Variants in DYSF observed in about 807,000 individuals in gnomAD.
DYSF encodes dysferlin.
In DYSF, 212 loss-of-function variants were observed where a neutral mutation model predicts 274.9. The observed-to-expected ratio is 0.77, with a 90% CI of 0.69 to 0.86. DYSF has a LOEUF of 0.86. Among genes scored for constraint, DYSF ranks in the 40% least tolerant of loss-of-function variants. The probability of loss-of-function intolerance (pLI) is 0.00; values close to 1 mark genes in which losing one functional copy is unlikely to be tolerated. For synonymous variants in DYSF, 1,091 were observed against 1,078.7 expected, an observed-to-expected ratio of 1.01 and a Z score of -0.22; for missense variants, 2,666 against 2,783.2, an observed-to-expected ratio of 0.96 and a Z score of 0.95.
intron 54 of DYSF, among the ~76,000 whole-genome samples, chr2:71,682,071 C>G (rs1443125025): frequency 1.3e-5 from 2 of 152,076 alleles, no homozygotes; most frequent in African/African-American, 4.8e-5. Context: ...GAACCAGCTT[C>G]CTATGTTCTC....
chr2:71,535,156 C>T, intron 15 of DYSF, 67 bp downstream of exon 15: 1 of 1,603,858 alleles, frequency 6.2e-7, no homozygotes, highest in Non-Finnish European at 8.5e-7. Flanking sequence ...AGGTCCAGGG[C>T]TCCTGCCTCC....
chr2:71,513,708 C>T lies in DYSF; in HGVS notation c.554-8C>T, dbSNP rs1257627361. 1.5e-5 allele frequency: 24 copies of T among 1,613,526 alleles called. No individual in the cohort carries two copies. In the East Asian group the frequency reaches 5.1e-4, roughly 34 times the overall value. On this transcript the variant is annotated splice_polypyrimidine_tract_variant and splice_region_variant and intron_variant, in intron 6 of 55. Transcript: ENST00000410020. ...GATCCAGGCCTCATTAGGGCCCTCT[C>T]CTCTTAGACACAGGAGGAGAGGAAG...
chr2:71,557,468 C>T (rs2091417466), intron 22 of DYSF, among the ~76,000 whole-genome samples: 1 of 152,160 alleles, frequency 6.6e-6, no homozygotes, highest in South Asian at 2.1e-4. Context: ...AGAGCTCAGC[C>T]CTGGGAGCAA....
At chr2:71,665,447 G>A (rs536850453) in intron 47 of DYSF, 143 bp downstream of exon 47, 1 of 1,012,434 alleles carries the variant, frequency 9.9e-7, no homozygotes, top group South Asian at 1.4e-5. Context: ...AGCACAGATG[G>A]GCTCCACTTG....
At chr2:71,678,156 TTTTATAGAATA>T (rs1346728347) in intron 52 of DYSF, among the ~76,000 whole-genome samples, 5 of 152,214 alleles carry the variant, frequency 3.3e-5, no homozygotes, top group African/African-American at 1.2e-4. Flanking sequence ...CTGAAGGGAA[TTTTATAGAATA>T]TTTAAGATAA....
Position 71,568,192 on chromosome 2 carries a change from G to T in DYSF, c.2718G>T (p.Leu906Phe), listed in dbSNP as rs754212872. Residue 906 changes from leucine to phenylalanine, a missense_variant, in exon 26 of 56, where the codon TTG (leucine) becomes TTT (phenylalanine). Leu to Phe is a conservative substitution (Grantham distance 22, BLOSUM62 0). Coordinates refer to ENST00000410020, the MANE Select transcript of DYSF (RefSeq NM_001130987.2). ...FAETYENETK[L>F]ALVGNWGTTG... ...TCCAGTATGAGAACGAGACTAAGTT[G>T]GCCCTTGTTGGGAACTGGGGCACAA... 6.2e-7 allele frequency: 1 copy of T among 1,614,222 alleles called. No homozygotes were observed. Among genetic ancestry groups the T allele is most frequent in the Non-Finnish European group, 8.5e-7 (1 of 1,180,040 alleles).
chr2:71,484,045 C>CT (rs59780652), intron 3 of DYSF, among the ~76,000 whole-genome samples: 21,880 of 67,556 alleles, frequency 0.32, 4,204 homozygotes, highest in Non-Finnish European at 0.39. Context: ...GGAGATTTCC[C>CT]TTTTTTTTTT....
intron 41 of DYSF, among the ~76,000 whole-genome samples, chr2:71,640,198 C>A (rs903768752): frequency 6.6e-6 from 1 of 152,220 alleles, no homozygotes; most frequent in African/African-American, 2.4e-5. Context: ...TTGGCAGAGG[C>A]ACCTATATGT....
Position 71,613,403 on chromosome 2 carries a change from C to G in DYSF, c.4457C>G (p.Pro1486Arg). 6.2e-7 allele frequency: 1 copy of G among 1,612,544 alleles called. No individual in the cohort carries two copies. Among genetic ancestry groups the G allele is most frequent in the South Asian group, 1.1e-5 (1 of 90,480 alleles). ...ATTGATGACAAGGAGCCCCTCATCCCCATCCAGGTAGGATGGGCATCCTCC... is the reference window on the plus strand; with the variant it reads ...ATTGATGACAAGGAGCCCCTCATCCGCATCCAGGTAGGATGGGCATCCTCC... Reference protein sequence around the residue: ...IDIDDKEPLIPIQLADGLSSL... With the variant: ...IDIDDKEPLIRIQLADGLSSL... Residue 1486 changes from proline to arginine, a missense_variant, in exon 40 of 56, where the codon CCC becomes CGC. This residue lies in a region of DYSF where 1,460 missense variants were observed against 1,502.1 expected (regional missense o/e 0.97). Coordinates refer to ENST00000410020, the MANE Select transcript of DYSF (RefSeq NM_001130987.2).
At chr2:71,637,981 G>A (rs947457995) in intron 41 of DYSF, among the ~76,000 whole-genome samples, 3 of 152,108 alleles carry the variant, frequency 2.0e-5, no homozygotes, top group Non-Finnish European at 4.4e-5. Context: ...CAGCAGCTGT[G>A]AGTCTGCTGG....
intron 24 of DYSF, among the ~76,000 whole-genome samples, chr2:71,567,479 C>G (rs2092173124): frequency 6.6e-6 from 1 of 152,218 alleles, no homozygotes; most frequent in Admixed American, 6.5e-5. Context: ...GAAACGAAAA[C>G]TTTATCTCCG....
intron 22 of DYSF, among the ~76,000 whole-genome samples, chr2:71,559,678 T>C (rs919406310): frequency 6.6e-6 from 1 of 152,200 alleles, no homozygotes; most frequent in African/African-American, 2.4e-5. Context: ...CAGGACGCCC[T>C]TCCCACTCTT....
chr2:71,613,374 C>G lies in DYSF; in HGVS notation c.4428C>G (p.Ile1476Met), dbSNP rs145690047. The change falls in exon 40 of 56, where the codon ATC becomes ATG. Residue 1476 changes from isoleucine (I) to methionine (M), a missense_variant. Physicochemically the swap from Ile to Met is conservative, Grantham distance 10. Around this residue, in one of 3 missense-constraint regions of DYSF, gnomAD observed 1,460 missense variants for 1,502.1 expected, o/e 0.97. Coordinates refer to ENST00000410020, the MANE Select transcript of DYSF (RefSeq NM_001130987.2). ...TCAGTCCTGGGGAAGACGTGCTCAT[C>G]GACATTGATGACAAGGAGCCCCTCA... ...SLLSPGEDVL[I>M]DIDDKEPLIP... 6 of 1,613,600 alleles carry G rather than the reference C, an allele frequency of 3.7e-6. No individual in the cohort carries two copies. The South Asian group carries it at 6.6e-5, about 18-fold the overall frequency.
At chr2:71,517,991 C>T (rs940173462) in intron 10 of DYSF, among the ~76,000 whole-genome samples, 3 of 152,168 alleles carry the variant, frequency 2.0e-5, no homozygotes, top group African/African-American at 7.2e-5. Flanking sequence ...CCCTCCTCCT[C>T]ATCCTGGCCA....
intron 6 of DYSF, 140 bp from the exon 7 acceptor site, chr2:71,513,576 G>C: frequency 1.1e-6 from 1 of 914,868 alleles, no homozygotes; most frequent in Non-Finnish European, 1.7e-6. Flanking sequence ...CACTGATGGG[G>C]AGGGAGGAGG....
At position 71,658,863 on chromosome 2, in the gene DYSF, CT is replaced by C. The variant is rs2094826131; in HGVS notation, c.4756-13del. 1.2e-6 allele frequency: 2 copies of C among 1,614,084 alleles called. No individual in the cohort carries two copies. The highest frequency in any genetic ancestry group is 1.3e-5 in the African/African-American group (1 of 75,010). On this transcript the variant is annotated splice_polypyrimidine_tract_variant and intron_variant, in intron 43 of 55. Coordinates refer to ENST00000410020, the MANE Select transcript of DYSF (RefSeq NM_001130987.2). ...ATGATGATAAAAATGAAAATTAACC[CT>C]TCCTTCTTTTCAGGGCCTCTTCAAA...
chr2:71,552,897 A>C, intron 19 of DYSF, 114 bp from the exon 20 acceptor site: 13 of 1,056,144 alleles, frequency 1.2e-5, no homozygotes, highest in East Asian at 2.5e-5. Flanking sequence ...CAGTCCAGCC[A>C]GGAGCTATTG....
chr2:71,600,795 C>A lies in DYSF; in HGVS notation c.3850C>A (p.Pro1284Thr). 2 of 1,613,548 alleles carry A rather than the reference C, an allele frequency of 1.2e-6. No homozygotes were observed. Among genetic ancestry groups the A allele is most frequent in the South Asian group, 2.2e-5 (2 of 91,082 alleles). Residue 1284 changes from proline to threonine, a missense_variant, in exon 34 of 56, where the codon CCG becomes ACG. Physicochemically the swap from Pro to Thr is conservative, Grantham distance 38. Around this residue, in one of 3 missense-constraint regions of DYSF, gnomAD observed 1,460 missense variants for 1,502.1 expected, o/e 0.97. Transcript: ENST00000410020. ...GTTCCCACTGACGAGGGGCAGCCAG[C>A]CGTCGGGGGAGCTGCTGGCCTCTTT... ...AWFPLTRGSQ[P>T]SGELLASFEL...
intron 2 of DYSF, among the ~76,000 whole-genome samples, chr2:71,481,439 G>A (rs1185838371): frequency 6.6e-6 from 1 of 152,254 alleles, no homozygotes; most frequent in Non-Finnish European, 1.5e-5. Flanking sequence ...TCTGAGGAGG[G>A]TCATGGGGGC....
Sources: gnomAD v4.1 joint callset for allele counts (sites outside exome capture counted in the v4.1 genomes callset) on GRCh38, gnomAD v4.1.1 for gene constraint, gnomAD v4.1.1 regional missense constraint, MANE v1.5 for transcripts, NCBI Gene and HGNC (gene_info 2026-07-23, HGNC 2026-07-21) for gene names.